STXBP5L: variants seen among roughly 807,000 people sequenced by gnomAD.
STXBP5L encodes the protein syntaxin-binding protein 5-like.
STXBP5L carries 65 observed loss-of-function variants against 144.5 expected under a neutral mutation model. That is an observed-to-expected ratio of 0.45 (90% CI 0.37 to 0.55). The LOEUF (loss-of-function observed/expected upper bound fraction) is 0.55, where lower values mean the gene tolerates loss of function less well. STXBP5L is among the 20% of genes least tolerant of loss of function. The pLI is 0.00. For synonymous variants in STXBP5L, 505 were observed against 469.6 expected, an observed-to-expected ratio of 1.08 and a Z score of -0.97; for missense variants, 1,298 against 1,405.5, an observed-to-expected ratio of 0.92 and a Z score of 1.22.
At chr3:121,405,641 A>G (rs558493994) in intron 22 of STXBP5L, among the ~76,000 whole-genome samples, 2 of 152,270 alleles carry the variant, frequency 1.3e-5, no homozygotes, top group Non-Finnish European at 2.9e-5. Flanking sequence ...AAGTTTAAGC[A>G]TACTTTGTAA....
rs1333747850 is a variant in STXBP5L at position 121,188,085 on chromosome 3, TG to T, written c.878-17835del. Among the ~76,000 whole-genome samples, 22 of 152,214 alleles carry T rather than the reference TG, an allele frequency of 1.4e-4. No individual in the cohort carries two copies. In the East Asian group the frequency reaches 4.1e-3, roughly 28 times the overall value. On this transcript the variant is annotated intron_variant, in intron 9 of 26. Coordinates refer to ENST00000471454, the MANE Select transcript of STXBP5L (RefSeq NM_001308330.2). Reference sequence around the variant, plus strand: ...GACTTAGACTCCCACACAATGTTAGTGGGAAAATTTAACACTCTACTGTCAG... The same window carrying T: ...GACTTAGACTCCCACACAATGTTAGTGGAAAATTTAACACTCTACTGTCAG...
chr3:121,346,659 T>C (rs571176632), intron 20 of STXBP5L, among the ~76,000 whole-genome samples: 4 of 152,300 alleles, frequency 2.6e-5, no homozygotes, highest in African/African-American at 7.2e-5. Flanking sequence ...TGGTGTGAGA[T>C]GGTATCTCAT....
intron 19 of STXBP5L, among the ~76,000 whole-genome samples, chr3:121,292,565 T>G (rs1355534350): frequency 6.6e-6 from 1 of 152,044 alleles, no homozygotes; most frequent in African/African-American, 2.4e-5. Flanking sequence ...AAAGAAGTCA[T>G]TATATGAAAA....
intron 19 of STXBP5L, among the ~76,000 whole-genome samples, chr3:121,308,747 GTTC>G (rs1441866463): frequency 6.6e-6 from 1 of 151,838 alleles, no homozygotes; most frequent in Admixed American, 6.6e-5. Flanking sequence ...ATATATGCTT[GTTC>G]TTCTTATTTC....
chr3:121,043,865 T>C (rs138921532), intron 4 of STXBP5L, among the ~76,000 whole-genome samples: 1 of 152,326 alleles, frequency 6.6e-6, no homozygotes, highest in East Asian at 1.9e-4. Flanking sequence ...GTAGAGAATG[T>C]TTTATTGTTG....
intron 3 of STXBP5L, 81 bp from the exon 4 acceptor site, chr3:121,041,619 G>C: frequency 9.5e-7 from 1 of 1,050,408 alleles, no homozygotes; most frequent in South Asian, 1.3e-5. Context: ...CAAAACATCT[G>C]TTGATCAATA....
At chr3:121,222,636 T>C (rs144181152) in intron 10 of STXBP5L, among the ~76,000 whole-genome samples, 1 of 152,310 alleles carries the variant, frequency 6.6e-6, no homozygotes, top group African/African-American at 2.4e-5. Flanking sequence ...TAATCTGATA[T>C]TCTGACATAG....
intron 3 of STXBP5L, among the ~76,000 whole-genome samples, chr3:120,993,609 G>T (rs565627310): frequency 5.3e-5 from 8 of 151,974 alleles, no homozygotes; most frequent in Admixed American, 3.9e-4. Context: ...TGAGTTGGTT[G>T]TAAATATGTG....
At chr3:120,963,203 C>G (rs1478508553) in intron 3 of STXBP5L, among the ~76,000 whole-genome samples, 1 of 152,162 alleles carries the variant, frequency 6.6e-6, no homozygotes, top group Non-Finnish European at 1.5e-5. Context: ...TCTAAATATA[C>G]AATCATGTCA....
chr3:120,986,395 G>GACATATACAGACATAT (rs1942288401), intron 3 of STXBP5L, among the ~76,000 whole-genome samples: 1 of 151,798 alleles, frequency 6.6e-6, no homozygotes, highest in Non-Finnish European at 1.5e-5. Flanking sequence ...TAGATTAGTT[G>GACATATACAGACATAT]ATTTATTGTG....
intron 19 of STXBP5L, among the ~76,000 whole-genome samples, chr3:121,308,338 G>A (rs2043412946): frequency 6.6e-6 from 1 of 152,198 alleles, no homozygotes; most frequent in Admixed American, 6.5e-5. Flanking sequence ...ACATTGTCAG[G>A]TAAACAAAAA....
At chr3:121,317,249 A>C (rs1303110991) in intron 19 of STXBP5L, among the ~76,000 whole-genome samples, 1 of 152,226 alleles carries the variant, frequency 6.6e-6, no homozygotes, top group African/African-American at 2.4e-5. Flanking sequence ...TAAGCTTTGC[A>C]TTTGGTATTC....
intron 3 of STXBP5L, among the ~76,000 whole-genome samples, chr3:120,993,545 A>G (rs951372501): frequency 2.6e-5 from 4 of 151,880 alleles, no homozygotes; most frequent in Non-Finnish European, 5.9e-5. Context: ...AGTTTTCCCA[A>G]CCCTGTTTAT....
chr3:121,233,551 G>A, intron 11 of STXBP5L, 65 bp from the exon 12 acceptor site: 1 of 1,203,678 alleles, frequency 8.3e-7, no homozygotes, highest in East Asian at 2.7e-5. Context: ...TAAAGGAAAT[G>A]CAATTTTGCT....
chr3:120,954,856 C>A, intron 2 of STXBP5L, 84 bp from the exon 3 acceptor site: 2 of 1,021,800 alleles, frequency 2.0e-6, no homozygotes, highest in East Asian at 2.8e-5. Context: ...TAATTTTAGA[C>A]ATTCTGGTGG....
At chr3:121,201,527 G>A (rs1028888453) in intron 9 of STXBP5L, among the ~76,000 whole-genome samples, 2 of 152,034 alleles carry the variant, frequency 1.3e-5, no homozygotes, top group Non-Finnish European at 2.9e-5. Context: ...TGTTAATATT[G>A]TTATGTGTGA....
At chr3:121,052,194 C>G (rs915555780) in intron 5 of STXBP5L, among the ~76,000 whole-genome samples, 1 of 152,104 alleles carries the variant, frequency 6.6e-6, no homozygotes, top group Non-Finnish European at 1.5e-5. Flanking sequence ...CTATTCCAAT[C>G]AATAGAAAAA....
chr3:120,992,808 G>A (rs1329137222), intron 3 of STXBP5L, among the ~76,000 whole-genome samples: 1 of 151,906 alleles, frequency 6.6e-6, no homozygotes, highest in Admixed American at 6.6e-5. Context: ...CTTTCCTTTG[G>A]ATAAATACTC....
chr3:121,203,448 T>A (rs1577200207), intron 9 of STXBP5L, among the ~76,000 whole-genome samples: 1 of 152,206 alleles, frequency 6.6e-6, no homozygotes. Flanking sequence ...TTTAATACAG[T>A]GAATTTTAAG....
Sources: gnomAD v4.1 joint callset for allele counts (sites outside exome capture counted in the v4.1 genomes callset) on GRCh38, gnomAD v4.1.1 for gene constraint, MANE v1.5 for transcripts, NCBI Gene and HGNC (gene_info 2026-07-23, HGNC 2026-07-21) for gene names.